ACOT1: variants seen among roughly 807,000 people sequenced by gnomAD.
ACOT1 encodes acyl-coenzyme A thioesterase 1.
ACOT1 carries 8 observed loss-of-function variants against 15.7 expected under a neutral mutation model. The observed-to-expected ratio is 0.51, with a 90% CI of 0.30 to 0.92. ACOT1 has a LOEUF of 0.92. ACOT1 is among the 40% of genes least tolerant of loss of function. ACOT1 has a pLI of 0.06. For synonymous variants in ACOT1, 67 were observed against 241.2 expected (o/e 0.28, Z 6.69); for missense variants, 151 against 539.4 (o/e 0.28, Z 7.13).
chr14:73,514,069 C>T, the ACOT1 span: 28 of 1,614,056 alleles, frequency 1.7e-5, no homozygotes, highest in East Asian at 1.6e-4. Flanking sequence ...CAGCATCCTC[C>T]GCAGGACCAC....
the ACOT1 span, among the ~76,000 whole-genome samples, chr14:73,525,036 TG>T: frequency 6.6e-6 from 1 of 152,174 alleles, no homozygotes; most frequent in Non-Finnish European, 1.5e-5. Context: ...TCTTTTGTTT[TG>T]TTTTTTTGAG....
At chr14:73,513,728 C>CAA in the ACOT1 span, among the ~76,000 whole-genome samples, 9,506 of 46,770 alleles carry the variant, frequency 0.2, 2,472 homozygotes, top group South Asian at 0.37. Context: ...ACTACGTCTC[C>CAA]AAAAAAAAAA....
the ACOT1 span, chr14:73,506,593 A>G: frequency 3.9e-6 from 6 of 1,541,898 alleles, no homozygotes; most frequent in East Asian, 2.2e-5. Context: ...GAAGACTTGT[A>G]TGGATATTCA....
chr14:73,536,986 GT>G (rs544641623), upstream of ACOT1: 202 of 77,402 alleles, frequency 2.6e-3, 3 homozygotes, highest in Non-Finnish European at 4.2e-3. Context: ...GGTTGTTGTT[GT>G]TTTTTTTTTT....
chr14:73,501,569 CTT>C, the ACOT1 span, among the ~76,000 whole-genome samples: 4,495 of 107,968 alleles, frequency 0.042, 75 homozygotes, highest in Non-Finnish European at 0.068. Context: ...GTCTCTCTCT[CTT>C]TTTTTTTTTT....
chr14:73,524,608 A>G, the ACOT1 span, among the ~76,000 whole-genome samples: 1 of 150,160 alleles, frequency 6.7e-6, no homozygotes, highest in African/African-American at 2.5e-5. Context: ...TCAGAGAGGT[A>G]GGTAAATTGC....
At chr14:73,505,637 C>T in the ACOT1 span, among the ~76,000 whole-genome samples, 64 of 152,178 alleles carry the variant, frequency 4.2e-4, no homozygotes, top group African/African-American at 1.5e-3. Flanking sequence ...CTCTGATCCA[C>T]CTGCCTTGGC....
At chr14:73,490,979 C>CCGG in the ACOT1 span, 574 of 1,321,398 alleles carry the variant, frequency 4.3e-4, no homozygotes, top group Middle Eastern at 5.5e-4. Context: ...TAGCTTCGCC[C>CCGG]CCGGCCGGCC....
chr14:73,538,699 C>A lies in ACOT1; in HGVS notation c.457+821C>A, dbSNP rs1448476602. Among the ~76,000 whole-genome samples the A allele has an allele frequency of 1.8e-5, 2 of 111,014 alleles. 1 individual carries two copies. The highest frequency in any genetic ancestry group is 3.9e-5 in the Non-Finnish European group (2 of 51,398). 72.8% of individuals were successfully genotyped at this position (111,014 alleles called of 152,430 possible). A position where few individuals can be genotyped will look rare whatever the true frequency, so the allele number is the denominator to read the frequency against. On this transcript the variant is annotated intron_variant, in intron 1 of 2. Transcript: ENST00000311148. The stretch of plus-strand genomic sequence containing the variant: ...ACAAAACAAAACAAAAAAAACAGGC[C>A]GGACGCGGTGGCTAACACCTGTAAT...
At chr14:73,512,261 A>T in the ACOT1 span, 1 of 1,208,310 alleles carries the variant, frequency 8.3e-7, no homozygotes, top group Non-Finnish European at 1.2e-6. Context: ...CAAGCAAAAC[A>T]TTAGCTCAGA....
upstream of ACOT1, among the ~76,000 whole-genome samples, chr14:73,535,469 CTTTTTTTTTTTTTTTTTTTTTTTTTTT>C (rs869167008): frequency 6.0e-5 from 1 of 16,538 alleles, no homozygotes; most frequent in African/African-American, 8.9e-5. Flanking sequence ...TTTCTTCTTT[CTTTTTTTTTTTTTTTTTTTTTTTTTTT>C]TTTTTTTTTT....
the ACOT1 span, chr14:73,492,289 G>A: frequency 6.2e-6 from 10 of 1,613,926 alleles, no homozygotes; most frequent in African/African-American, 8.0e-5. The surrounding 1 kb of genome is among the most constrained non-coding windows in gnomAD (Gnocchi z 4.9). Flanking sequence ...CCACGTACCA[G>A]CGCAATACCT....
the ACOT1 span, among the ~76,000 whole-genome samples, chr14:73,510,702 C>T: frequency 6.6e-6 from 1 of 152,212 alleles, no homozygotes; most frequent in African/African-American, 2.4e-5. Flanking sequence ...TTCCAAAGTG[C>T]TGGAATTACA....
chr14:73,498,324 C>T, the ACOT1 span: 1 of 1,605,042 alleles, frequency 6.2e-7, no homozygotes, highest in African/African-American at 1.3e-5. Context: ...TCGGGACTTA[C>T]TTGCCCAATC....
the ACOT1 span, among the ~76,000 whole-genome samples, chr14:73,505,965 A>G: frequency 3.6e-5 from 5 of 138,624 alleles, no homozygotes; most frequent in African/African-American, 1.3e-4. Flanking sequence ...ATCTTGGTTC[A>G]CTGCAACCTC....
intron 1 of ACOT1, among the ~76,000 whole-genome samples, chr14:73,540,150 AG>A (rs1889025925): frequency 8.5e-6 from 1 of 118,088 alleles, no homozygotes; most frequent in South Asian, 2.6e-4. Context: ...TGCTAGAAGG[AG>A]TCAACATATT....
chr14:73,520,949 G>A, the ACOT1 span: 1 of 1,613,972 alleles, frequency 6.2e-7, no homozygotes, highest in Non-Finnish European at 8.5e-7. Flanking sequence ...TTTGGGGCTG[G>A]GAGAGGCTCG....
the ACOT1 span, among the ~76,000 whole-genome samples, chr14:73,503,417 C>T: frequency 6.6e-6 from 1 of 152,288 alleles, no homozygotes; most frequent in South Asian, 2.1e-4. Context: ...TCCTGAAAGT[C>T]CCATGGCCTG....
the ACOT1 span, among the ~76,000 whole-genome samples, chr14:73,499,467 G>A: frequency 3.3e-5 from 5 of 151,990 alleles, no homozygotes; most frequent in Non-Finnish European, 7.4e-5. Context: ...GTGACAGAGC[G>A]AGTCTCCATC....
Sources: allele counts gnomAD v4.1 joint callset (sites outside exome capture counted in the v4.1 genomes callset), GRCh38; gene constraint gnomAD v4.1.1; non-coding constraint Gnocchi (gnomAD v3.1); transcripts MANE v1.5; gene names NCBI Gene and HGNC (gene_info 2026-07-23, HGNC 2026-07-21).